The following PSD3 variants were observed in gnomAD, a reference collection of about 807,000 sequenced individuals.
The protein encoded by PSD3 is PH and SEC7 domain-containing protein 3.
A neutral mutation model predicts 105.5 loss-of-function variants in PSD3; 49 were observed. The ratio of observed to expected loss-of-function variants is 0.46; its 90% CI spans 0.37 to 0.59. PSD3 has a LOEUF of 0.59. Among genes scored for constraint, PSD3 ranks in the 20% least tolerant of loss-of-function variants. The probability of loss-of-function intolerance (pLI) is 0.00; values close to 1 mark genes in which losing one functional copy is unlikely to be tolerated. For missense variants in PSD3, 1,561 were observed against 1,263.8 expected (o/e 1.24, Z -3.57); for synonymous variants, 557 against 457.8 (o/e 1.22, Z -2.77).
chr8:18,617,376 C>T (rs1805774454), intron 11 of PSD3, among the ~76,000 whole-genome samples: 2 of 151,836 alleles, frequency 1.3e-5, no homozygotes, highest in Non-Finnish European at 2.9e-5. Flanking sequence ...ACTAAAAATT[C>T]CAAAATTAGC....
chr8:18,649,939 A>C (rs1377050446), intron 10 of PSD3, among the ~76,000 whole-genome samples: 1 of 152,200 alleles, frequency 6.6e-6, no homozygotes, highest in Non-Finnish European at 1.5e-5. Flanking sequence ...AGCAGATGCT[A>C]GCATCATACT....
intron 15 of PSD3, among the ~76,000 whole-genome samples, chr8:18,549,234 T>G (rs1252629104): frequency 2.1e-5 from 3 of 146,298 alleles, no homozygotes; most frequent in Non-Finnish European, 4.5e-5. Context: ...CAGGCTAGAG[T>G]GCAATGGCAT....
At chr8:19,021,031 T>A (rs1827345726) in intron 1 of PSD3, among the ~76,000 whole-genome samples, 1 of 152,192 alleles carries the variant, frequency 6.6e-6, no homozygotes, top group South Asian at 2.1e-4. Flanking sequence ...AGAGATGATA[T>A]TTACATCCAT....
chr8:19,029,759 T>C (rs1462135071), intron 1 of PSD3, among the ~76,000 whole-genome samples: 2 of 152,218 alleles, frequency 1.3e-5, no homozygotes, highest in African/African-American at 4.8e-5. Flanking sequence ...CCCAAGTATT[T>C]TCATGCTTTT....
intron 10 of PSD3, among the ~76,000 whole-genome samples, chr8:18,646,297 T>C (rs2130816416): frequency 6.6e-6 from 1 of 152,262 alleles, no homozygotes; most frequent in Non-Finnish European, 1.5e-5. Flanking sequence ...AATCTACATC[T>C]ACTATTAAGA....
Position 18,697,690 on chromosome 8 carries a change from C to T in PSD3, c.2173-42005G>A, listed in dbSNP as rs900440888. The stretch of plus-strand genomic sequence containing the variant: ...GGTCCCAAAGCTCTGCCTGTGATTG[C>T]GTGAATTACCTCTGGGCAAGTATCT... On this transcript the variant is annotated intron_variant, in intron 9 of 15. Transcript: ENST00000327040. Among the ~76,000 whole-genome samples the T allele has an allele frequency of 2.6e-5, 4 of 152,260 alleles. No homozygotes were observed. The South Asian group carries it at 6.2e-4, about 24-fold the overall frequency.
intron 10 of PSD3, among the ~76,000 whole-genome samples, chr8:18,634,731 A>AT (rs1563404554): frequency 6.6e-6 from 1 of 152,052 alleles, no homozygotes; most frequent in Non-Finnish European, 1.5e-5. Context: ...GACGTTATGC[A>AT]TTTTTTGGGG....
chr8:18,898,364 T>A (rs1819287185), intron 2 of PSD3, among the ~76,000 whole-genome samples: 1 of 152,196 alleles, frequency 6.6e-6, no homozygotes, highest in African/African-American at 2.4e-5. Flanking sequence ...ACCTTCTTTG[T>A]CTCTTTTTAC....
intron 2 of PSD3, among the ~76,000 whole-genome samples, chr8:18,904,728 T>C (rs2129461898): frequency 6.6e-6 from 1 of 152,344 alleles, no homozygotes; most frequent in Middle Eastern, 3.4e-3. Flanking sequence ...GACCAGACAG[T>C]AAATACCTTA....
At position 18,618,903 on chromosome 8, in the gene PSD3, G is replaced by T. The variant is rs551614272; in HGVS notation, c.2410+13710C>A. Among the ~76,000 whole-genome samples, 10 of 152,090 alleles carry T rather than the reference G, an allele frequency of 6.6e-5. No individual in the cohort carries two copies. The East Asian group carries it at 1.9e-3, about 30-fold the overall frequency. On this transcript the variant is annotated intron_variant, in intron 11 of 15. Transcript: ENST00000327040. The stretch of plus-strand genomic sequence containing the variant: ...GTCTTAATATGTTGCTCAGGCTGTG[G>T]TGGAATACGCTTATCCATGACCTTT...
intron 4 of PSD3, among the ~76,000 whole-genome samples, chr8:18,861,910 T>C (rs542740223): frequency 4.9e-4 from 75 of 151,912 alleles, no homozygotes; most frequent in African/African-American, 1.8e-3. Flanking sequence ...GAAAAGAGGA[T>C]GGCTTCACCT....
At chr8:18,718,045 A>G (rs1489983113) in intron 9 of PSD3, among the ~76,000 whole-genome samples, 1 of 152,088 alleles carries the variant, frequency 6.6e-6, no homozygotes, top group Non-Finnish European at 1.5e-5. Context: ...CAAGGGTTTA[A>G]CAGTCTTTCT....
intron 2 of PSD3, among the ~76,000 whole-genome samples, chr8:18,913,685 G>A (rs1483093612): frequency 6.6e-6 from 1 of 152,104 alleles, no homozygotes; most frequent in African/African-American, 2.4e-5. Context: ...AAGGATCTAG[G>A]CCTGCCCCCA....
intron 15 of PSD3, among the ~76,000 whole-genome samples, chr8:18,538,685 G>A (rs184830496): frequency 2.6e-5 from 4 of 152,320 alleles, no homozygotes; most frequent in Admixed American, 2.6e-4. Context: ...GAGAAAAGAT[G>A]ATAGGGACAG....
At chr8:18,971,903 G>T (rs964464365) in intron 1 of PSD3, among the ~76,000 whole-genome samples, 7 of 152,106 alleles carry the variant, frequency 4.6e-5, no homozygotes, top group African/African-American at 1.4e-4. Context: ...TCCTCAGGAG[G>T]CTGAGGTAGG....
intron 9 of PSD3, among the ~76,000 whole-genome samples, chr8:18,704,777 A>G (rs1319669692): frequency 2.0e-5 from 3 of 152,218 alleles, no homozygotes; most frequent in Admixed American, 6.5e-5. Context: ...TTATGATTAA[A>G]AACTGAAAGT....
At chr8:18,560,715 A>C (rs1392731180) in intron 14 of PSD3, among the ~76,000 whole-genome samples, 1 of 152,214 alleles carries the variant, frequency 6.6e-6, no homozygotes, top group African/African-American at 2.4e-5. Flanking sequence ...ATTAGGGGTT[A>C]ATCCCCAAAG....
chr8:18,894,654 C>G (rs1417308430), intron 2 of PSD3, among the ~76,000 whole-genome samples: 2 of 152,046 alleles, frequency 1.3e-5, no homozygotes, highest in Admixed American at 6.6e-5. Flanking sequence ...CTTTTAACCC[C>G]AAGAATAAAG....
At chr8:18,946,682 C>T (rs1218760609) in intron 1 of PSD3, among the ~76,000 whole-genome samples, 1 of 151,948 alleles carries the variant, frequency 6.6e-6, no homozygotes, top group Admixed American at 6.6e-5. Context: ...GGTGGATCAC[C>T]TGAGGTCAGG....
Sources: gnomAD v4.1 joint callset for allele counts (sites outside exome capture counted in the v4.1 genomes callset) on GRCh38, gnomAD v4.1.1 for gene constraint, MANE v1.5 for transcripts, NCBI Gene and HGNC (gene_info 2026-07-23, HGNC 2026-07-21) for gene names.